ASPH: variants seen among roughly 807,000 people sequenced by gnomAD.
ASPH encodes the protein aspartyl/asparaginyl beta-hydroxylase.
In ASPH, 100 loss-of-function variants were observed where a neutral mutation model predicts 118.4. The ratio of observed to expected loss-of-function variants is 0.84; its 90% confidence interval spans 0.72 to 1.00. The LOEUF is 1.00. Among genes scored for constraint, ASPH ranks in the 50% least tolerant of loss-of-function variants. The probability of loss-of-function intolerance (pLI) is 0.00; values close to 1 mark genes in which losing one functional copy is unlikely to be tolerated. For synonymous variants in ASPH, 315 were observed against 325.6 expected (o/e 0.97, Z 0.35); for missense variants, 920 against 919.5 (o/e 1.00, Z -0.01).
chr8:61,700,067 A>G (rs1229428977), intron 1 of ASPH, among the ~76,000 whole-genome samples: 1 of 152,222 alleles, frequency 6.6e-6, no homozygotes, highest in African/African-American at 2.4e-5. Flanking sequence ...CTGACACACA[A>G]TGGGCTCCCA....
At chr8:61,637,850 T>C (rs1588455926) in intron 12 of ASPH, 97 bp downstream of exon 12, 1 of 1,217,606 alleles carries the variant, frequency 8.2e-7, no homozygotes, top group East Asian at 2.6e-5. Flanking sequence ...TCCTATGCAC[T>C]GTATAGACAG....
Position 61,578,970 on chromosome 8 carries a change from A to T in ASPH, c.1063-2112T>A, listed in dbSNP as rs1587546969. The T allele has an allele frequency of 3.7e-6, 6 of 1,611,266 alleles. No homozygotes were observed. In the East Asian group the frequency reaches 1.3e-4, roughly 36 times the overall value. On this transcript the variant is annotated intron_variant, in intron 15 of 24. Coordinates refer to ENST00000379454, the MANE Select transcript of ASPH (RefSeq NM_004318.4). ...ATCTGTGGTGCTGTCCATGGACAAC[A>T]GCCGCTCCCTGGACATGGACAGCAT...
intron 15 of ASPH, among the ~76,000 whole-genome samples, chr8:61,582,424 A>C (rs184271937): frequency 2.0e-5 from 3 of 152,264 alleles, no homozygotes; most frequent in Non-Finnish European, 4.4e-5. Context: ...AGGAGGTGGC[A>C]GAAAAAGATT....
chr8:61,513,968 G>C (rs185020310), intron 24 of ASPH, among the ~76,000 whole-genome samples: 9 of 152,264 alleles, frequency 5.9e-5, no homozygotes, highest in African/African-American at 7.2e-5. Flanking sequence ...TCCTGAGGCA[G>C]GTCTCCCAGC....
chr8:61,689,200 T>C (rs1831772896), intron 1 of ASPH, among the ~76,000 whole-genome samples: 1 of 152,198 alleles, frequency 6.6e-6, no homozygotes, highest in African/African-American at 2.4e-5. Context: ...GTGTTTTTTC[T>C]TTGCATTTAT....
At chr8:61,625,283 A>G (rs1025791218) in intron 13 of ASPH, 31 of 985,752 alleles carry the variant, frequency 3.1e-5, no homozygotes, top group African/African-American at 3.5e-5. Context: ...GTGAAATAGC[A>G]GCAGGCATCG....
At chr8:61,534,884 C>T (rs1006342426) in intron 21 of ASPH, among the ~76,000 whole-genome samples, 3 of 152,212 alleles carry the variant, frequency 2.0e-5, no homozygotes, top group Non-Finnish European at 4.4e-5. Context: ...AATTTCTGTT[C>T]TCACAGTTCT....
At chr8:61,514,370 G>T (rs1810057784) in intron 24 of ASPH, among the ~76,000 whole-genome samples, 1 of 151,686 alleles carries the variant, frequency 6.6e-6, no homozygotes, top group Non-Finnish European at 1.5e-5. Context: ...GGAGTGCAGT[G>T]GTGTAATCAC....
intron 24 of ASPH, 139 bp from the exon 25 acceptor site, chr8:61,503,648 A>G: frequency 1.3e-6 from 1 of 765,366 alleles, no homozygotes. Flanking sequence ...ATCAAGCCCA[A>G]GTTTATTCTT....
chr8:61,526,027 T>G lies in ASPH; in HGVS notation c.1850A>C (p.Glu617Ala). Reference protein sequence around the residue: ...KAKGLFLPEDENLREKGDWSQ... With the variant: ...KAKGLFLPEDANLREKGDWSQ... ...CCAGTCCCCTTTTTCCCTCAGGTTT[T>G]CATCCTCAGGCAGGAAGAGACCTTT... The change falls in exon 22 of 25, where the codon GAA becomes GCA. Residue 617 changes from glutamate (E) to alanine (A), a missense_variant. Glu to Ala is a moderately radical substitution (Grantham distance 107). Coordinates refer to ENST00000379454, the MANE Select transcript of ASPH (RefSeq NM_004318.4). 6.2e-7 allele frequency: 1 copy of G among 1,614,050 alleles called. No individual in the cohort carries two copies. The highest frequency in any genetic ancestry group is 2.2e-5 in the East Asian group (1 of 44,874).
intron 3 of ASPH, among the ~76,000 whole-genome samples, chr8:61,669,206 T>C (rs1465556474): frequency 1.3e-5 from 2 of 152,236 alleles, no homozygotes; most frequent in Non-Finnish European, 2.9e-5. Context: ...ACCCACTTTG[T>C]ACGTTTCTCA....
chr8:61,580,127 C>A (rs1191194820), intron 15 of ASPH, among the ~76,000 whole-genome samples: 1 of 152,124 alleles, frequency 6.6e-6, no homozygotes, highest in African/African-American at 2.4e-5. Flanking sequence ...GGGTACAGTC[C>A]CCCTCCCAGC....
intron 14 of ASPH, among the ~76,000 whole-genome samples, chr8:61,587,387 T>C (rs1468290776): frequency 6.6e-6 from 1 of 152,232 alleles, no homozygotes; most frequent in Non-Finnish European, 1.5e-5. Flanking sequence ...CAATTGTTCA[T>C]TTTGCTTTTG....
chr8:61,528,284 C>T (rs1816238735), intron 21 of ASPH, among the ~76,000 whole-genome samples: 1 of 152,150 alleles, frequency 6.6e-6, no homozygotes, highest in Non-Finnish European at 1.5e-5. Flanking sequence ...TGTAAAAAAC[C>T]CCAAGACCAT....
chr8:61,679,213 G>A (rs1490987086), intron 3 of ASPH, among the ~76,000 whole-genome samples: 1 of 152,096 alleles, frequency 6.6e-6, no homozygotes, highest in Non-Finnish European at 1.5e-5. Context: ...TATTTATGTA[G>A]CTTTATCTGA....
intron 21 of ASPH, among the ~76,000 whole-genome samples, chr8:61,547,652 CA>C (rs1824407672): frequency 6.6e-6 from 1 of 152,080 alleles, no homozygotes; most frequent in Non-Finnish European, 1.5e-5. Flanking sequence ...CTTCTCACTA[CA>C]TTTTCTGTTT....
intron 24 of ASPH, among the ~76,000 whole-genome samples, chr8:61,508,735 T>C (rs771798161): frequency 6.6e-6 from 1 of 152,206 alleles, no homozygotes; most frequent in African/African-American, 2.4e-5. Context: ...GCCCAACACA[T>C]TGACTTAAGA....
At chr8:61,555,396 T>C (rs1261891093) in intron 19 of ASPH, among the ~76,000 whole-genome samples, 2 of 152,250 alleles carry the variant, frequency 1.3e-5, no homozygotes, top group Middle Eastern at 6.8e-3. Context: ...TGGGTTCAAG[T>C]GATTCTCATG....
At chr8:61,636,110 T>C (rs1410986125) in intron 12 of ASPH, among the ~76,000 whole-genome samples, 2 of 152,120 alleles carry the variant, frequency 1.3e-5, no homozygotes, top group Non-Finnish European at 2.9e-5. Context: ...CTGACACAGA[T>C]GGAGAATAAC....
Sources: gnomAD v4.1 joint callset for allele counts (sites outside exome capture counted in the v4.1 genomes callset) on GRCh38, gnomAD v4.1.1 for gene constraint, MANE v1.5 for transcripts, NCBI Gene and HGNC (gene_info 2026-07-23, HGNC 2026-07-21) for gene names.